CD247: variants seen among roughly 807,000 people sequenced by gnomAD.
CD247 encodes the protein CD247 molecule, also known as T-cell surface glycoprotein CD3 zeta chain.
Under a neutral mutation model 30.0 loss-of-function variants are expected in CD247, and 13 were observed. The observed-to-expected ratio is 0.43, with a 90% CI of 0.28 to 0.69. The LOEUF (loss-of-function observed/expected upper bound fraction) is 0.69. Among genes scored for constraint, CD247 ranks in the 30% least tolerant of loss-of-function variants. The probability of loss-of-function intolerance (pLI) is 0.16; values close to 1 mark genes in which losing one functional copy is unlikely to be tolerated. For missense variants in CD247, 193 were observed against 212.6 expected, an observed-to-expected ratio of 0.91 and a Z score of 0.57; for synonymous variants, 72 against 80.0, an observed-to-expected ratio of 0.90 and a Z score of 0.53.
chr1:167,439,000 T>C (rs958108080), intron 3 of CD247, among the ~76,000 whole-genome samples: 5 of 152,118 alleles, frequency 3.3e-5, no homozygotes, highest in African/African-American at 7.2e-5. Flanking sequence ...GTGAAATCGC[T>C]TTCCCCTCCT....
chr1:167,455,480 C>T (rs1354229749), intron 1 of CD247, among the ~76,000 whole-genome samples: 1 of 152,220 alleles, frequency 6.6e-6, no homozygotes, highest in African/African-American at 2.4e-5. Context: ...CCTTCCTCAC[C>T]ATGCAGCCAA....
intron 1 of CD247, among the ~76,000 whole-genome samples, chr1:167,470,571 T>G (rs1487961887): frequency 7.0e-6 from 1 of 142,834 alleles, no homozygotes; most frequent in Non-Finnish European, 1.5e-5. Context: ...AAAATAAAAA[T>G]TAGCCAAAAA....
intron 1 of CD247, among the ~76,000 whole-genome samples, chr1:167,511,899 G>A (rs920558075): frequency 6.6e-6 from 1 of 152,076 alleles, no homozygotes; most frequent in Non-Finnish European, 1.5e-5. Flanking sequence ...TCTGCTATTT[G>A]CCATAGGATG....
chr1:167,440,093 T>C (rs1005837432), intron 2 of CD247: 2 of 164,468 alleles, frequency 1.2e-5, no homozygotes, highest in Non-Finnish European at 2.7e-5. Context: ...AATAAAATAT[T>C]ATGCCAAAGT....
At chr1:167,495,094 T>C (rs1654628276) in intron 1 of CD247, among the ~76,000 whole-genome samples, 1 of 152,230 alleles carries the variant, frequency 6.6e-6, no homozygotes, top group Non-Finnish European at 1.5e-5. Flanking sequence ...TTAGGTGAAC[T>C]TTCAAAGTCC....
At chr1:167,499,544 AAT>A (rs1439087884) in intron 1 of CD247, among the ~76,000 whole-genome samples, 1 of 152,160 alleles carries the variant, frequency 6.6e-6, no homozygotes, top group Non-Finnish European at 1.5e-5. Context: ...TGGCCCCTGG[AAT>A]TTACTTAGCC....
chr1:167,439,374 C>T lies in CD247; in HGVS notation c.189G>A (p.Ala63=), dbSNP rs1651707379. ...AGAGCTGGTTCTGGCCCTGCTGGTA[C>T]GCGGGGGCGTCTGCGCTCCTGCTGA... The part of the protein sequence containing the change: ...VKFSRSADAP[A]YQQGQNQLYN... The change falls in exon 3 of 8, where the codon GCG becomes GCA. Residue 63 remains alanine (A), a synonymous_variant. Coordinates refer to ENST00000362089, the MANE Select transcript of CD247 (RefSeq NM_198053.3). 1.9e-6 allele frequency: 3 copies of T among 1,614,156 alleles called. No individual in the cohort carries two copies. Among genetic ancestry groups the T allele is most frequent in the South Asian group, 2.2e-5 (2 of 91,088 alleles).
intron 1 of CD247, among the ~76,000 whole-genome samples, chr1:167,517,353 T>A (rs1442169662): frequency 6.6e-6 from 1 of 152,182 alleles, no homozygotes; most frequent in Non-Finnish European, 1.5e-5. Flanking sequence ...CCAGGAGCGA[T>A]CAGGTGGGCC....
chr1:167,494,818 T>C lies in CD247; in HGVS notation c.58+23590A>G, dbSNP rs1162188004. On this transcript the variant is annotated intron_variant, in intron 1 of 7. Coordinates refer to ENST00000362089, the MANE Select transcript of CD247 (RefSeq NM_198053.3). The surrounding 1 kb of genome is among the most constrained non-coding windows in gnomAD (Gnocchi z 7.3). ...GAGGCAAGACAATTATTACCTCAGATCACATACGCCTTGGATTTCAGAGCT... is the reference window on the plus strand; with the variant it reads ...GAGGCAAGACAATTATTACCTCAGACCACATACGCCTTGGATTTCAGAGCT... Among the ~76,000 whole-genome samples, 3 of 152,178 alleles carry C rather than the reference T, an allele frequency of 2.0e-5. No homozygotes were observed. Among genetic ancestry groups the C allele is most frequent in the Non-Finnish European group, 4.4e-5 (3 of 68,038 alleles).
intron 1 of CD247, among the ~76,000 whole-genome samples, chr1:167,479,154 T>C (rs1364196527): frequency 6.6e-6 from 1 of 152,214 alleles, no homozygotes; most frequent in Admixed American, 6.5e-5. Flanking sequence ...GGGTTATTCA[T>C]ACTGTTTAAT....
intron 7 of CD247, among the ~76,000 whole-genome samples, chr1:167,432,347 C>T (rs1014843232): frequency 2.6e-5 from 4 of 152,222 alleles, no homozygotes; most frequent in South Asian, 2.1e-4. Context: ...GAAGGATCAA[C>T]AGCAGCCACA....
chr1:167,455,888 G>T (rs1652630610), intron 1 of CD247, among the ~76,000 whole-genome samples: 1 of 152,192 alleles, frequency 6.6e-6, no homozygotes, highest in Admixed American at 6.5e-5. Flanking sequence ...CCAGGATCGG[G>T]CCTGGCTCCG....
chr1:167,477,532 T>C (rs1263098162), intron 1 of CD247, among the ~76,000 whole-genome samples: 1 of 152,114 alleles, frequency 6.6e-6, no homozygotes, highest in South Asian at 2.1e-4. Flanking sequence ...GTTTTTTCCT[T>C]GAGACAGGGT....
chr1:167,504,757 TG>T (rs1655046925), intron 1 of CD247, among the ~76,000 whole-genome samples: 1 of 152,168 alleles, frequency 6.6e-6, no homozygotes, highest in Admixed American at 6.5e-5. Flanking sequence ...AGTGGGGCAG[TG>T]GGAATCTCAG....
At chr1:167,438,722 A>G (rs933486151) in intron 3 of CD247, 72 bp from the exon 4 acceptor site, 42 of 1,147,824 alleles carry the variant, frequency 3.7e-5, no homozygotes, top group Non-Finnish European at 4.3e-5. Context: ...TGGACTGGGG[A>G]GTGTGGTTTC....
At chr1:167,475,840 A>T (rs1314490823) in intron 1 of CD247, among the ~76,000 whole-genome samples, 1 of 152,174 alleles carries the variant, frequency 6.6e-6, no homozygotes, top group Non-Finnish European at 1.5e-5. Flanking sequence ...GGAATTCTAG[A>T]TATGCAAGAG....
chr1:167,511,787 C>T (rs754784599), intron 1 of CD247, among the ~76,000 whole-genome samples: 1 of 151,952 alleles, frequency 6.6e-6, no homozygotes, highest in Admixed American at 6.5e-5. Flanking sequence ...ACGAGGGCCC[C>T]GAGAAACCAT....
intron 1 of CD247, among the ~76,000 whole-genome samples, chr1:167,498,660 T>C (rs1034046973): frequency 1.3e-5 from 2 of 152,194 alleles, no homozygotes; most frequent in African/African-American, 4.8e-5. Flanking sequence ...TAATCTTCAT[T>C]TTATAAAGAA....
intron 1 of CD247, among the ~76,000 whole-genome samples, chr1:167,453,666 A>T (rs1322580781): frequency 1.3e-5 from 2 of 152,198 alleles, no homozygotes; most frequent in Non-Finnish European, 2.9e-5. Flanking sequence ...TCTTCAAGAT[A>T]ATTAGGTTTT....
Sources: gnomAD v4.1 joint callset for allele counts (sites outside exome capture counted in the v4.1 genomes callset) on GRCh38, gnomAD v4.1.1 for gene constraint, Gnocchi (gnomAD v3.1) non-coding constraint, MANE v1.5 for transcripts, NCBI Gene and HGNC (gene_info 2026-07-23, HGNC 2026-07-21) for gene names.